UGT1A5: variants seen among roughly 807,000 people sequenced by gnomAD.
The protein encoded by UGT1A5 is UDP glucuronosyltransferase family 1 member A5, also known as UDP-glucuronosyltransferase 1A5.
A neutral mutation model predicts 40.3 loss-of-function variants in UGT1A5; 29 were observed. The observed-to-expected ratio is 0.72, with a 90% CI of 0.54 to 0.98. The LOEUF (loss-of-function observed/expected upper bound fraction) is 0.98, where lower values mean the gene tolerates loss of function less well. UGT1A5 is among the 50% of genes least tolerant of loss of function. The pLI is 0.00. For missense variants in UGT1A5, 678 were observed against 677.9 expected (o/e 1.00, Z 0.00); for synonymous variants, 257 against 262.5 (o/e 0.98, Z 0.20).
chr2:233,718,986 C>T, intron 1 of UGT1A5: 1 of 1,614,204 alleles, frequency 6.2e-7, no homozygotes, highest in East Asian at 2.2e-5. Context: ...TGCCAGAGGC[C>T]ACCAGGCGGT....
intron 1 of UGT1A5, chr2:233,760,329 C>A (rs765814343): frequency 8.7e-6 from 14 of 1,613,970 alleles, no homozygotes; most frequent in South Asian, 1.1e-5. Flanking sequence ...TTGTCCTGGG[C>A]CTGCTGCTGT....
intron 1 of UGT1A5, among the ~76,000 whole-genome samples, chr2:233,720,989 G>T (rs570345451): frequency 2.6e-5 from 4 of 151,812 alleles, no homozygotes; most frequent in East Asian, 3.9e-4. Flanking sequence ...GGGATTACAG[G>T]CAAGAGCCAC....
chr2:233,744,767 T>G (rs1692915618), intron 1 of UGT1A5, among the ~76,000 whole-genome samples: 1 of 151,916 alleles, frequency 6.6e-6, no homozygotes, highest in Non-Finnish European at 1.5e-5. Flanking sequence ...GTTTTAACTT[T>G]GCAAAATTCT....
At chr2:233,740,771 A>G (rs1027399973) in intron 1 of UGT1A5, 1 of 151,854 alleles carries the variant, frequency 6.6e-6, no homozygotes, top group African/African-American at 2.4e-5. Context: ...AAACCGTTGT[A>G]TAAAAGATGA....
At chr2:233,757,560 A>ATATATATATATATATATATATG (rs904896556) in intron 1 of UGT1A5, among the ~76,000 whole-genome samples, 6 of 123,150 alleles carry the variant, frequency 4.9e-5, no homozygotes, top group African/African-American at 2.0e-4. Flanking sequence ...ATATATATAT[A>ATATATATATATATATATATATG]TGTATATATG....
At position 233,767,112 on chromosome 2, in the gene UGT1A5, C is replaced by G; in HGVS notation, c.946C>G (p.Pro316Ala). Residue 316 changes from proline (P) to alanine (A), a missense_variant, in exon 2 of 5, where the codon CCA (proline) becomes GCA (alanine). Coordinates refer to ENST00000373414, the MANE Select transcript of UGT1A5 (RefSeq NM_019078.2). The part of the protein sequence containing the change: ...FSLGSMVSEI[P>A]EKKAMAIADA... ...TTTGGGATCAATGGTCTCAGAAATT[C>G]CAGAGAAGAAAGCTATGGCAATTGC... 6.2e-7 allele frequency: 1 copy of G among 1,614,080 alleles called. No homozygotes were observed. The highest frequency in any genetic ancestry group is 8.5e-7 in the Non-Finnish European group (1 of 1,180,008).
At chr2:233,738,563 C>T (rs899585698) in intron 1 of UGT1A5, among the ~76,000 whole-genome samples, 1 of 152,184 alleles carries the variant, frequency 6.6e-6, no homozygotes, top group African/African-American at 2.4e-5. Context: ...GATGAGGAAT[C>T]TGTTGAGAAC....
At chr2:233,761,622 G>A (rs1417511901) in intron 1 of UGT1A5, among the ~76,000 whole-genome samples, 3 of 152,238 alleles carry the variant, frequency 2.0e-5, no homozygotes, top group Non-Finnish European at 4.4e-5. Flanking sequence ...CTGATAAGAA[G>A]CTAAATCCTG....
chr2:233,743,576 A>T (rs1692358823), intron 1 of UGT1A5: 1 of 1,367,112 alleles, frequency 7.3e-7, no homozygotes, highest in Non-Finnish European at 9.8e-7. Flanking sequence ...GTTTCCCAAG[A>T]GGTCAAAGGA....
rs763953331 is a variant in UGT1A5, at chr2:233,743,717, C to T, written c.868-23317C>T. The T allele has an allele frequency of 8.8e-6, 12 of 1,367,234 alleles. No individual in the cohort carries two copies. In the East Asian group the frequency reaches 2.7e-4, roughly 31 times the overall value. 84.7% of individuals were successfully genotyped at this position (1,367,234 alleles called of 1,614,324 possible). On this transcript the variant is annotated intron_variant, in intron 1 of 4. Coordinates refer to ENST00000373414, the MANE Select transcript of UGT1A5 (RefSeq NM_019078.2). ...GCCCTCCGCCCCCGCCTCGCCATAG[C>T]GGTCATAGATATCGCGTTTCTTGGC... is the stretch of plus-strand genomic sequence containing the variant.
Position 233,767,084 on chromosome 2 carries a change from C to G in UGT1A5, c.918C>G (p.Phe306Leu). 6.2e-7 allele frequency: 1 copy of G among 1,614,120 alleles called. No homozygotes were observed. Among genetic ancestry groups the G allele is most frequent in the Non-Finnish European group, 8.5e-7 (1 of 1,180,022 alleles). The change falls in exon 2 of 5, where the codon TTC becomes TTG. Residue 306 changes from phenylalanine (F) to leucine (L), a missense_variant. Transcript: ENST00000373414. ...NASGEHGIVV[F>L]SLGSMVSEIP... ...CTGGAGAACATGGAATTGTGGTTTT[C>G]TCTTTGGGATCAATGGTCTCAGAAA...
At chr2:233,750,117 G>T (rs1441169579) in intron 1 of UGT1A5, among the ~76,000 whole-genome samples, 2 of 151,904 alleles carry the variant, frequency 1.3e-5, no homozygotes, top group East Asian at 1.9e-4. Flanking sequence ...AAGACAGGAA[G>T]ATGTGGGAAA....
At chr2:233,743,908 G>A (rs1211765828) in intron 1 of UGT1A5, 37 of 1,366,084 alleles carry the variant, frequency 2.7e-5, no homozygotes, top group Non-Finnish European at 3.4e-5. Flanking sequence ...CCTCGTAGTA[G>A]TCCACCATGC....
chr2:233,733,997 C>T (rs1054859436), intron 1 of UGT1A5, among the ~76,000 whole-genome samples: 1 of 151,958 alleles, frequency 6.6e-6, no homozygotes, highest in African/African-American at 2.4e-5. Context: ...AGGAGATATA[C>T]CTAATGTTAA....
At position 233,772,663 on chromosome 2, in the gene UGT1A5, A is replaced by G. The variant is rs1700540831; in HGVS notation, c.*104A>G. The G allele has an allele frequency of 5.2e-6, 8 of 1,539,906 alleles. No homozygotes were observed. Among genetic ancestry groups the G allele is most frequent in the Non-Finnish European group, 7.0e-6 (8 of 1,144,332 alleles). On this transcript the variant is annotated 3_prime_UTR_variant, in exon 5 of 5. Coordinates refer to ENST00000373414, the MANE Select transcript of UGT1A5 (RefSeq NM_019078.2). Reference sequence around the variant, plus strand: ...TTCATTTTATTCTTATTAAGGAAATACTTTGCATAAATTAATCAGCCCCAG... The same window carrying G: ...TTCATTTTATTCTTATTAAGGAAATGCTTTGCATAAATTAATCAGCCCCAG...
At chr2:233,736,086 A>G (rs1432268125) in intron 1 of UGT1A5, among the ~76,000 whole-genome samples, 1 of 152,152 alleles carries the variant, frequency 6.6e-6, no homozygotes, top group Admixed American at 6.5e-5. Flanking sequence ...GTTCTCCTGG[A>G]TAATATCCTG....
chr2:233,724,335 G>T (rs2077226383), intron 1 of UGT1A5, among the ~76,000 whole-genome samples: 1 of 147,968 alleles, frequency 6.8e-6, no homozygotes, highest in Admixed American at 6.7e-5. Flanking sequence ...CCAGGCGGGG[G>T]GCTGACCCCC....
chr2:233,727,163 C>T (rs1212217788), intron 1 of UGT1A5, among the ~76,000 whole-genome samples: 2 of 152,150 alleles, frequency 1.3e-5, no homozygotes, highest in Non-Finnish European at 2.9e-5. Flanking sequence ...TTTCAGGATG[C>T]TTTTTTCTGT....
chr2:233,729,484 A>C, intron 1 of UGT1A5: 1 of 1,614,190 alleles, frequency 6.2e-7, no homozygotes, highest in Non-Finnish European at 8.5e-7. Context: ...GTTGAACAAT[A>C]TGTCTTTGGT....
Sources: gnomAD v4.1 joint callset for allele counts (sites outside exome capture counted in the v4.1 genomes callset) on GRCh38, gnomAD v4.1.1 for gene constraint, MANE v1.5 for transcripts, NCBI Gene and HGNC (gene_info 2026-07-23, HGNC 2026-07-21) for gene names.